The following ZNF280C variants were observed in gnomAD, a reference collection of about 807,000 sequenced individuals.
ZNF280C encodes zinc finger protein 280C.
In ZNF280C, 14 loss-of-function variants were observed where a neutral mutation model predicts 53.6. That is an observed-to-expected ratio of 0.26 (90% CI 0.17 to 0.41). ZNF280C has a LOEUF of 0.41. Ranked by LOEUF, ZNF280C falls within the 10% of genes least tolerant of loss-of-function variation. The pLI, the probability that ZNF280C is intolerant of heterozygous loss-of-function variation, is 1.00. For synonymous variants in ZNF280C, 203 were observed against 181.1 expected (o/e 1.12, Z -0.97); for missense variants, 416 against 547.1 (o/e 0.76, Z 2.39).
intron 2 of ZNF280C, among the ~76,000 whole-genome samples, chrX:130,259,665 T>A (rs1398109388): frequency 8.9e-6 from 1 of 112,745 alleles, no homozygotes; most frequent in African/African-American, 3.2e-5. Context: ...TTACTGTATT[T>A]TTTTTTAAAC....
At chrX:130,227,858 A>G (rs1385265165) in intron 10 of ZNF280C, 76 bp from the exon 11 acceptor site, 3 of 531,044 alleles carry the variant, frequency 5.6e-6, no homozygotes, top group Non-Finnish European at 9.6e-6. Flanking sequence ...ATCCACAACA[A>G]GTAATAATAA....
rs35926660 is a variant in ZNF280C, at chrX:130,228,617, C to CT, written c.1147+359dup. On this transcript the variant is annotated intron_variant, in intron 10 of 18. Coordinates refer to ENST00000370978, the MANE Select transcript of ZNF280C (RefSeq NM_017666.5). ...CAATTTTAACAGTTTTTTTCTTCTACTTTTTTTTTTTTTTTTTTTTTTTGT... is the reference window on the plus strand; with the variant it reads ...CAATTTTAACAGTTTTTTTCTTCTACTTTTTTTTTTTTTTTTTTTTTTTTGT... 3.5e-3 allele frequency among the ~76,000 whole-genome samples: 207 copies of CT among 58,334 alleles called. 1 individual carries two copies. The highest frequency in any genetic ancestry group is 7.1e-3 in the East Asian group (11 of 1,547). The allele number at this position is 58,334 out of a possible 115,157, so 50.7% of individuals were successfully genotyped here.
chrX:130,205,452 T>G (rs771790323), intron 16 of ZNF280C, 37 bp from the exon 17 acceptor site: 1 of 971,665 alleles, frequency 1.0e-6, no homozygotes, highest in Admixed American at 2.7e-5. Flanking sequence ...AATATTCTTA[T>G]CATTTATGAA....
Position 130,239,617 on chromosome X carries a change from G to A in ZNF280C, c.458C>T (p.Pro153Leu), listed in dbSNP as rs1442317157. Residue 153 changes from proline (P) to leucine (L), a missense_variant, in exon 6 of 19, where the codon CCA (proline) becomes CTA (leucine). Around this residue, in one of 3 missense-constraint regions of ZNF280C, gnomAD observed 193 missense variants for 201.4 expected, o/e 0.96. Coordinates refer to ENST00000370978, the MANE Select transcript of ZNF280C (RefSeq NM_017666.5). ...LLFDSTQESL[P>L]PSQDIPAIFR... The stretch of plus-strand genomic sequence containing the variant: ...AATTGCTGGTATGTCTTGGGATGGT[G>A]GTAGTGATTCCTGGGTCGAGTCAAA... 3 of 1,201,215 alleles carry A rather than the reference G, an allele frequency of 2.5e-6. No individual in the cohort carries two copies. The highest frequency in any genetic ancestry group is 4.4e-5 in the Admixed American group (2 of 45,903).
At chrX:130,228,839 A>G in intron 10 of ZNF280C, 138 bp downstream of exon 10, 1 of 602,402 alleles carries the variant, frequency 1.7e-6, no homozygotes, top group African/African-American at 2.3e-5. Context: ...TATAAAAGTT[A>G]TGATTTTTTT....
intron 1 of ZNF280C, among the ~76,000 whole-genome samples, chrX:130,263,164 C>T (rs773197254): frequency 1.8e-5 from 2 of 111,984 alleles, no homozygotes; most frequent in African/African-American, 3.2e-5. Flanking sequence ...CAGTTCCTCA[C>T]AAAGTTAAAC....
In ZNF280C at chrX:130,225,033, ACT is replaced by A. The variant is rs777869359; in HGVS notation, c.1395+1724_1395+1725del. 4.5e-5 allele frequency among the ~76,000 whole-genome samples: 5 copies of A among 111,616 alleles called. No homozygotes were observed. In the South Asian group the frequency reaches 1.9e-3, roughly 42 times the overall value. ...TTGAGCAACTCAGACCTGTTGGGTA[ACT>A]CTTTCCAATACATACAGCAAGTTAA... On this transcript the variant is annotated intron_variant, in intron 12 of 18. Coordinates refer to ENST00000370978, the MANE Select transcript of ZNF280C (RefSeq NM_017666.5).
Position 130,236,250 on chromosome X carries a change from C to A in ZNF280C, c.735G>T (p.Gln245His). Residue 245 changes from glutamine to histidine, a missense_variant, in exon 8 of 19, where the codon CAG becomes CAT. Gln to His is a conservative substitution (Grantham distance 24, BLOSUM62 0). Transcript: ENST00000370978. ...ATTTCAAAGGATCCAAAAGATTGAA[C>A]TGAACATTGCACTTTGGACAAGCTC... ...YLRACPKCNVQFNLLDPLKYH... is the reference protein window; with the variant it reads ...YLRACPKCNVHFNLLDPLKYH... The A allele has an allele frequency of 1.7e-6, 2 of 1,206,739 alleles. No individual in the cohort carries two copies. Among genetic ancestry groups the A allele is most frequent in the Non-Finnish European group, 2.2e-6 (2 of 893,067 alleles).
intron 13 of ZNF280C, 42 bp from the exon 14 acceptor site, chrX:130,216,143 A>T (rs757786623): frequency 9.6e-7 from 1 of 1,045,826 alleles, no homozygotes; most frequent in Non-Finnish European, 1.3e-6. Flanking sequence ...AAAAGTAACC[A>T]TCGCATTAGT....
intron 15 of ZNF280C, among the ~76,000 whole-genome samples, chrX:130,214,218 C>T (rs780617070): frequency 9.1e-6 from 1 of 109,383 alleles, no homozygotes; most frequent in South Asian, 3.9e-4. Flanking sequence ...ATAAAGCAAG[C>T]CCCTGTGAAT....
At chrX:130,214,641 T>A (rs760814439) in intron 15 of ZNF280C, among the ~76,000 whole-genome samples, 1 of 111,627 alleles carries the variant, frequency 9.0e-6, no homozygotes, top group East Asian at 2.8e-4. Context: ...ACATAAACTA[T>A]ACATATCCTG....
intron 12 of ZNF280C, among the ~76,000 whole-genome samples, chrX:130,223,033 T>C (rs927576599): frequency 1.8e-5 from 2 of 111,355 alleles, no homozygotes; most frequent in African/African-American, 6.6e-5. Flanking sequence ...CTTCTTGACA[T>C]GCATACTATA....
In ZNF280C at chrX:130,229,071, G is replaced by A. The variant is rs1479270167; in HGVS notation, c.1053C>T (p.Asn351=). 1.7e-6 allele frequency: 2 copies of A among 1,207,146 alleles called. No individual in the cohort carries two copies. Among genetic ancestry groups the A allele is most frequent in the Admixed American group, 4.4e-5 (2 of 45,527 alleles). ...LEKQNNESWE[N]HTTCQHCYRQ... ...GGTAACAGTGCTGGCAGGTGGTGTG[G>A]TTTTCCCAGCTTTCATTGTTCTGCT... is the stretch of plus-strand genomic sequence containing the variant. Residue 351 remains asparagine, a synonymous_variant, in exon 10 of 19, where the codon AAC becomes AAT. Transcript: ENST00000370978.
chrX:130,243,190 GT>G (rs2032412521), intron 5 of ZNF280C, among the ~76,000 whole-genome samples: 1 of 111,081 alleles, frequency 9.0e-6, no homozygotes, highest in Admixed American at 9.6e-5. Flanking sequence ...GTTGGCTTTT[GT>G]TTTTTTCTTG....
chrX:130,216,141 C>A (rs747418981), intron 13 of ZNF280C, 40 bp from the exon 14 acceptor site: 2 of 1,051,095 alleles, frequency 1.9e-6, no homozygotes, highest in Non-Finnish European at 2.6e-6. Flanking sequence ...AGAAAAGTAA[C>A]CATCGCATTA....
At chrX:130,247,044 A>G (rs745766012) in intron 2 of ZNF280C, 39 bp from the exon 3 acceptor site, 4 of 1,147,843 alleles carry the variant, frequency 3.5e-6, no homozygotes, top group Non-Finnish European at 4.7e-6. Context: ...TTATTTTCAA[A>G]GAGAAAAATA....
intron 1 of ZNF280C, among the ~76,000 whole-genome samples, chrX:130,268,153 C>A (rs925881325): frequency 2.8e-4 from 31 of 111,594 alleles, no homozygotes; most frequent in Non-Finnish European, 2.3e-4. Context: ...CTCCTCAGGG[C>A]TCTTATCCTC....
intron 5 of ZNF280C, among the ~76,000 whole-genome samples, chrX:130,240,343 A>G (rs1401360380): frequency 1.8e-5 from 2 of 110,894 alleles, no homozygotes; most frequent in Non-Finnish European, 3.8e-5. Flanking sequence ...AGAAAACGAA[A>G]ATCAAAATAC....
At chrX:130,230,476 T>C in intron 9 of ZNF280C, 34 bp downstream of exon 9, 1 of 1,045,544 alleles carries the variant, frequency 9.6e-7, no homozygotes, top group Non-Finnish European at 1.3e-6. Context: ...ATATCCCAAC[T>C]TTCAAACAGA....
Sources: allele counts gnomAD v4.1 joint callset (sites outside exome capture counted in the v4.1 genomes callset), GRCh38; gene constraint gnomAD v4.1.1; regional missense constraint gnomAD v4.1.1; transcripts MANE v1.5; gene names NCBI Gene and HGNC (gene_info 2026-07-23, HGNC 2026-07-21).